Variants in FKBP1B observed in about 807,000 individuals in gnomAD.
FKBP1B encodes the protein peptidyl-prolyl cis-trans isomerase FKBP1B.
FKBP1B carries 4 observed loss-of-function variants against 13.5 expected under a neutral mutation model. That is an observed-to-expected ratio of 0.30 (90% CI 0.15 to 0.68). FKBP1B has a LOEUF of 0.68. Among genes scored for constraint, FKBP1B ranks in the 30% least tolerant of loss-of-function variants. FKBP1B has a pLI of 0.76. For synonymous variants in FKBP1B, 54 were observed against 53.6 expected (o/e 1.01, Z -0.03); for missense variants, 93 against 136.2 (o/e 0.68, Z 1.58).
chr2:24,049,619 T>G (rs1449945018), upstream of FKBP1B: 6 of 367,750 alleles, frequency 1.6e-5, no homozygotes, highest in South Asian at 8.8e-4. Context: ...CCGGGCGGGG[T>G]CCCTTCCCCC....
chr2:24,034,335 G>A, the FKBP1B span, among the ~76,000 whole-genome samples: 205 of 152,116 alleles, frequency 1.3e-3, 2 homozygotes, highest in African/African-American at 4.7e-3. Context: ...GCAGAGAATC[G>A]CTTGAACCCA....
intron 2 of FKBP1B, among the ~76,000 whole-genome samples, chr2:24,057,400 T>A (rs1045466719): frequency 6.6e-6 from 1 of 150,834 alleles, no homozygotes. Flanking sequence ...TGTGATGGAG[T>A]TTTGCTATCG....
chr2:24,035,701 G>A, the FKBP1B span, among the ~76,000 whole-genome samples: 14 of 150,832 alleles, frequency 9.3e-5, no homozygotes, highest in Non-Finnish European at 1.5e-4. Flanking sequence ...GACTGCTTGA[G>A]CCCAGGACTT....
the FKBP1B span, chr2:24,038,431 G>A: frequency 6.2e-7 from 1 of 1,614,114 alleles, no homozygotes; most frequent in Non-Finnish European, 8.5e-7. Context: ...GGAAGCCACT[G>A]CCACTACGTG....
At chr2:24,059,802 G>A (rs1014768736) in intron 2 of FKBP1B, among the ~76,000 whole-genome samples, 2 of 149,680 alleles carry the variant, frequency 1.3e-5, no homozygotes, top group African/African-American at 4.9e-5. Flanking sequence ...AGCTGAGGCA[G>A]GAGAATCCCT....
the FKBP1B span, among the ~76,000 whole-genome samples, chr2:24,043,235 C>T: frequency 6.6e-6 from 1 of 152,172 alleles, no homozygotes; most frequent in African/African-American, 2.4e-5. Flanking sequence ...ACTTGGGAGG[C>T]TGAGACACGA....
At chr2:24,061,541 A>G (rs1664395621) in intron 3 of FKBP1B, among the ~76,000 whole-genome samples, 1 of 152,334 alleles carries the variant, frequency 6.6e-6, no homozygotes, top group Admixed American at 6.5e-5. Context: ...GTAGGCCAAG[A>G]AAATTTTTCG....
At chr2:24,034,543 A>G in the FKBP1B span, among the ~76,000 whole-genome samples, 1 of 151,962 alleles carries the variant, frequency 6.6e-6, no homozygotes, top group African/African-American at 2.4e-5. Flanking sequence ...ATTATAAACT[A>G]AAAAACTGAG....
chr2:24,049,642 G>A (rs1032424502), upstream of FKBP1B: 1 of 378,150 alleles, frequency 2.6e-6, no homozygotes, highest in Non-Finnish European at 4.7e-6. Context: ...GCCCCGCCCC[G>A]GCCGACCCCA....
chr2:24,035,942 G>GCT, the FKBP1B span, among the ~76,000 whole-genome samples: 3 of 151,316 alleles, frequency 2.0e-5, no homozygotes, highest in African/African-American at 7.3e-5. Flanking sequence ...GGTGGCACGT[G>GCT]CCTGTAATCC....
At position 24,050,513 on chromosome 2, in the gene FKBP1B, C is replaced by A. The variant is rs1024116491; in HGVS notation, c.37+627C>A. ...ATTGAAGCTTCTAAGCCCAGCCCTG[C>A]GACCTACGGCCGAACCTCTCCCTGG... On this transcript the variant is annotated intron_variant, in intron 1 of 3. Coordinates refer to ENST00000380986, the MANE Select transcript of FKBP1B (RefSeq NM_004116.5). The surrounding 1 kb of genome is among the most constrained non-coding windows in gnomAD (Gnocchi z 5.8). Among the ~76,000 whole-genome samples, 5 of 152,146 alleles carry A rather than the reference C, an allele frequency of 3.3e-5. No individual in the cohort carries two copies. The highest frequency in any genetic ancestry group is 1.2e-4 in the African/African-American group (5 of 41,430).
At chr2:24,035,837 A>G in the FKBP1B span, among the ~76,000 whole-genome samples, 8 of 151,806 alleles carry the variant, frequency 5.3e-5, no homozygotes, top group Admixed American at 5.3e-4. Flanking sequence ...CTGGGAGGCC[A>G]AGGCGGGCAG....
intron 3 of FKBP1B, 135 bp downstream of exon 3, chr2:24,061,061 A>C (rs968833531): frequency 1.5e-6 from 1 of 655,724 alleles, no homozygotes. Context: ...TGGCAACGCC[A>C]TCTGGTGTCC....
chr2:24,056,483 ACAGGTGCGCACCACCACACCCAG>A (rs894037496), intron 2 of FKBP1B, among the ~76,000 whole-genome samples: 1 of 151,782 alleles, frequency 6.6e-6, no homozygotes, highest in African/African-American at 2.4e-5. Context: ...AGCTGGGATT[ACAGGTGCGCACCACCACACCCAG>A]CTAATTTTTG....
intron 1 of FKBP1B, among the ~76,000 whole-genome samples, chr2:24,051,333 C>CAAA (rs568507946): frequency 1.4e-5 from 2 of 141,116 alleles, no homozygotes; most frequent in African/African-American, 5.2e-5. Context: ...GACTCTATCT[C>CAAA]AAAAAAAAAA....
intron 3 of FKBP1B, among the ~76,000 whole-genome samples, chr2:24,062,195 C>T (rs917863881): frequency 1.3e-5 from 2 of 151,572 alleles, no homozygotes; most frequent in Non-Finnish European, 2.9e-5. Context: ...TATTTTGAGA[C>T]GTAGTCTCAC....
chr2:24,044,415 C>T, the FKBP1B span, among the ~76,000 whole-genome samples: 1 of 152,024 alleles, frequency 6.6e-6, no homozygotes, highest in Non-Finnish European at 1.5e-5. Flanking sequence ...GATAGGGGCC[C>T]ACCACCATGC....
At chr2:24,045,600 C>CAAAAA (rs869243363), upstream of FKBP1B, among the ~76,000 whole-genome samples, 1 of 64,408 alleles carries the variant, frequency 1.6e-5, no homozygotes, top group African/African-American at 6.3e-5. Flanking sequence ...GACTCCATCT[C>CAAAAA]AAAAAAAAAA....
chr2:24,037,303 G>A, the FKBP1B span, among the ~76,000 whole-genome samples: 3 of 152,238 alleles, frequency 2.0e-5, no homozygotes, highest in Non-Finnish European at 4.4e-5. Flanking sequence ...GATTACAGGC[G>A]TGAGCCATGG....
Sources: gnomAD v4.1 joint callset for allele counts (sites outside exome capture counted in the v4.1 genomes callset) on GRCh38, gnomAD v4.1.1 for gene constraint, Gnocchi (gnomAD v3.1) non-coding constraint, MANE v1.5 for transcripts, NCBI Gene and HGNC (gene_info 2026-07-23, HGNC 2026-07-21) for gene names.